The following ADAMTS15 variants were observed in gnomAD, a reference collection of about 807,000 sequenced individuals.
ADAMTS15 encodes the protein ADAM metallopeptidase with thrombospondin type 1 motif 15.
In ADAMTS15, 35 loss-of-function variants were observed where a neutral mutation model predicts 79.1. The observed-to-expected ratio is 0.44, with a 90% CI of 0.34 to 0.59. The LOEUF (loss-of-function observed/expected upper bound fraction) is 0.59, where lower values mean the gene tolerates loss of function less well. ADAMTS15 is among the 20% of genes least tolerant of loss of function. ADAMTS15 has a pLI of 0.02. For synonymous variants in ADAMTS15, 616 were observed against 567.3 expected (o/e 1.09, Z -1.22); for missense variants, 1,324 against 1,318.7 (o/e 1.00, Z -0.06).
Position 130,462,368 on chromosome 11 carries a change from C to T in ADAMTS15, c.1258+114C>T, listed in dbSNP as rs73044871. ...TGTACATTAGGTGTGTGTGCCCCCT[C>T]GGAGCCGGGCTCTGACATGAGTGCA... is the stretch of plus-strand genomic sequence containing the variant. On this transcript the variant is annotated intron_variant, in intron 3 of 7. Coordinates refer to ENST00000299164, the MANE Select transcript of ADAMTS15 (RefSeq NM_139055.4). The surrounding 1 kb of genome is among the most constrained non-coding windows in gnomAD (Gnocchi z 4.3). 163,848 of 1,481,180 alleles carry T rather than the reference C, an allele frequency of 0.11. 9,606 individuals carry two copies. Among genetic ancestry groups the T allele is most frequent in the East Asian group, 0.21 (8,879 of 41,510 alleles). 91.8% of individuals were successfully genotyped at this position (1,481,180 alleles called of 1,614,324 possible). A position where few individuals can be genotyped will look rare whatever the true frequency, so the allele number is the denominator to read the frequency against.
At position 130,470,929 on chromosome 11, in the gene ADAMTS15, A is replaced by G; in HGVS notation, c.1730A>G (p.Lys577Arg). 6.2e-7 allele frequency: 1 copy of G among 1,613,296 alleles called. No homozygotes were observed. Among genetic ancestry groups the G allele is most frequent in the East Asian group, 2.2e-5 (1 of 44,868 alleles). ...LEPCPSSASG[K>R]SFREEQCEAF... ...GCTTCTCCCTCCCTAGCCTCCGGAA[A>G]GAGCTTCCGGGAGGAGCAGTGTGAG... is the stretch of plus-strand genomic sequence containing the variant. Residue 577 changes from lysine to arginine, a missense_variant, in exon 6 of 8, where the codon AAG (lysine) becomes AGG (arginine). Transcript: ENST00000299164.
At position 130,476,209 on chromosome 11, in the gene ADAMTS15, G is replaced by GT. The variant is rs1938582743; in HGVS notation, c.*2389dup. On this transcript the variant is annotated 3_prime_UTR_variant, in exon 8 of 8. Transcript: ENST00000299164. ...CTGGTGATGGAGTAAAGTTACAGCG[G>GT]TATCTCATGTCTACACAAGAAGAGG... 1 of 152,214 alleles carries GT rather than the reference G, an allele frequency of 6.6e-6. No individual in the cohort carries two copies. The highest frequency in any genetic ancestry group is 1.5e-5 in the Non-Finnish European group (1 of 68,072). The allele number at this position is 152,214 out of a possible 1,614,324, so 9.4% of individuals were successfully genotyped here.
chr11:130,471,256 C>A lies in ADAMTS15; in HGVS notation c.1951C>A (p.Gln651Lys). The change falls in exon 7 of 8, where the codon CAA becomes AAA. Residue 651 changes from glutamine to lysine, a missense_variant. Coordinates refer to ENST00000299164, the MANE Select transcript of ADAMTS15 (RefSeq NM_139055.4). The part of the protein sequence containing the change: ...CSPDSTSVCV[Q>K]GKCIKAGCDG... Reference sequence around the variant, plus strand: ...TCCTGACTCCACCTCCGTCTGTGTCCAAGGCAAGTGCATCAAGGCTGGCTG... The same window carrying A: ...TCCTGACTCCACCTCCGTCTGTGTCAAAGGCAAGTGCATCAAGGCTGGCTG... 1 of 1,611,922 alleles carries A rather than the reference C, an allele frequency of 6.2e-7. No individual in the cohort carries two copies. The highest frequency in any genetic ancestry group is 1.1e-5 in the South Asian group (1 of 90,608).
chr11:130,448,902 G>T lies in ADAMTS15; in HGVS notation c.-72G>T, dbSNP rs753805209. 2.8e-5 allele frequency: 35 copies of T among 1,245,416 alleles called. No individual in the cohort carries two copies. Among genetic ancestry groups the T allele is most frequent in the Non-Finnish European group, 3.5e-5 (33 of 941,422 alleles). The allele number at this position is 1,245,416 out of a possible 1,614,324, so 77.1% of individuals were successfully genotyped here. ...GGCGGTTCCAGAGTGCGGGCTGCAC[G>T]GAGACCGCGGCAGCGGCCGGAGAGC... On this transcript the variant is annotated 5_prime_UTR_variant, in exon 1 of 8. Coordinates refer to ENST00000299164, the MANE Select transcript of ADAMTS15 (RefSeq NM_139055.4).
intron 1 of ADAMTS15, among the ~76,000 whole-genome samples, chr11:130,453,883 T>G (rs568444943): frequency 6.6e-6 from 1 of 152,204 alleles, no homozygotes; most frequent in East Asian, 1.9e-4. Context: ...AAAAAGTTGC[T>G]TATAATATTG....
chr11:130,470,207 T>TATAC (rs1204201965), intron 5 of ADAMTS15, among the ~76,000 whole-genome samples: 8 of 60,226 alleles, frequency 1.3e-4, no homozygotes, highest in African/African-American at 2.1e-4. Flanking sequence ...TATATATATA[T>TATAC]ATGTATATAT....
rs957843146 is a variant in ADAMTS15 at position 130,470,277 on chromosome 11, C to T, written c.1721-643C>T. ...TGTTGCCCAGGCTGGAGTGCAGTGG[C>T]GCGATCTCGGCTCACTGCAACCTCA... On this transcript the variant is annotated intron_variant, in intron 5 of 7. Coordinates refer to ENST00000299164, the MANE Select transcript of ADAMTS15 (RefSeq NM_139055.4). 6.8e-5 allele frequency among the ~76,000 whole-genome samples: 10 copies of T among 147,996 alleles called. 1 individual carries two copies. Among genetic ancestry groups the T allele is most frequent in the South Asian group, 4.3e-4 (2 of 4,656 alleles).
intron 1 of ADAMTS15, 111 bp downstream of exon 1, chr11:130,450,041 C>T: frequency 6.6e-7 from 1 of 1,511,190 alleles, no homozygotes; most frequent in Non-Finnish European, 8.8e-7. Context: ...GTTTAAACCT[C>T]GTTGATCTCT....
At chr11:130,466,837 C>A (rs1481389515) in intron 4 of ADAMTS15, among the ~76,000 whole-genome samples, 1 of 152,162 alleles carries the variant, frequency 6.6e-6, no homozygotes, top group Non-Finnish European at 1.5e-5. Context: ...GGCCTGTGCA[C>A]TTTCTCCCTC....
chr11:130,470,869 C>T (rs1399147402), intron 5 of ADAMTS15, 51 bp from the exon 6 acceptor site: 3 of 1,569,574 alleles, frequency 1.9e-6, no homozygotes, highest in East Asian at 2.2e-5. Flanking sequence ...GTCCTTTGCA[C>T]CGGCCTTGTC....
In ADAMTS15 at chr11:130,449,164, T is replaced by G. The variant is rs1172356182; in HGVS notation, c.191T>G (p.Phe64Cys). 6.2e-7 allele frequency: 1 copy of G among 1,609,318 alleles called. No homozygotes were observed. Among genetic ancestry groups the G allele is most frequent in the Non-Finnish European group, 8.5e-7 (1 of 1,176,708 alleles). Reference protein sequence around the residue: ...IFQITAFQEDFYLHLTPDAQF... With the variant: ...IFQITAFQEDCYLHLTPDAQF... ...CAGATCACAGCATTTCAGGAGGACT[T>G]TTACCTACACCTGACGCCGGATGCT... The change falls in exon 1 of 8, where the codon TTT becomes TGT. Residue 64 changes from phenylalanine to cysteine, a missense_variant. By Grantham distance (205) the Phe-to-Cys change is radical (BLOSUM62 -2). Transcript: ENST00000299164. This position sits in a 1 kb window ranked among gnomAD's most constrained non-coding sequence, Gnocchi z 7.8.
At position 130,474,980 on chromosome 11, in the gene ADAMTS15, C is replaced by G. The variant is rs1254213147; in HGVS notation, c.*1159C>G. 6.6e-6 allele frequency: 1 copy of G among 152,432 alleles called. No individual in the cohort carries two copies. Among genetic ancestry groups the G allele is most frequent in the Non-Finnish European group, 1.5e-5 (1 of 68,196 alleles). The allele number at this position is 152,432 out of a possible 1,614,324, so 9.4% of individuals were successfully genotyped here. A position where few individuals can be genotyped will look rare whatever the true frequency, so the allele number is the denominator to read the frequency against. On this transcript the variant is annotated 3_prime_UTR_variant, in exon 8 of 8. Transcript: ENST00000299164. ...TGCCCTGGGCACGTCACGTTGCATCCTAGGCCTTAGCTTCTCCACTGTTTG... is the reference window on the plus strand; with the variant it reads ...TGCCCTGGGCACGTCACGTTGCATCGTAGGCCTTAGCTTCTCCACTGTTTG...
intron 1 of ADAMTS15, among the ~76,000 whole-genome samples, chr11:130,458,459 G>T (rs780480720): frequency 6.6e-6 from 1 of 152,210 alleles, no homozygotes; most frequent in Non-Finnish European, 1.5e-5. Context: ...TCAACTACAT[G>T]ACTTGGGTCA....
At chr11:130,467,169 A>G (rs1050158148) in intron 4 of ADAMTS15, among the ~76,000 whole-genome samples, 3 of 152,196 alleles carry the variant, frequency 2.0e-5, no homozygotes, top group Non-Finnish European at 4.4e-5. Context: ...GCATTGTCTC[A>G]GCAGCTGCAG....
At position 130,466,796 on chromosome 11, in the gene ADAMTS15, A is replaced by G. The variant is rs552961389; in HGVS notation, c.1543-2466A>G. Among the ~76,000 whole-genome samples the G allele has an allele frequency of 5.3e-5, 8 of 152,174 alleles. No individual in the cohort carries two copies. In the East Asian group the frequency reaches 1.2e-3, roughly 22 times the overall value. On this transcript the variant is annotated intron_variant, in intron 4 of 7. Transcript: ENST00000299164. ...TCGCTGCCTTGTTGGCCCTAGTGAC[A>G]CTGGCTTACTTCAGGCTCATCTCCT...
At chr11:130,457,217 C>T (rs1479953681) in intron 1 of ADAMTS15, among the ~76,000 whole-genome samples, 1 of 146,410 alleles carries the variant, frequency 6.8e-6, no homozygotes, top group Non-Finnish European at 1.5e-5. Context: ...GGCAACAGAG[C>T]GAGACTCAGT....
chr11:130,467,893 A>G (rs752671929), intron 4 of ADAMTS15, among the ~76,000 whole-genome samples: 1 of 152,194 alleles, frequency 6.6e-6, no homozygotes, highest in African/African-American at 2.4e-5. Flanking sequence ...AAGAAACTTC[A>G]GAATGGTTCA....
In ADAMTS15 at chr11:130,462,480, C is replaced by T; in HGVS notation, c.1259-17C>T. 6.4e-7 allele frequency: 1 copy of T among 1,570,550 alleles called. No individual in the cohort carries two copies. The highest frequency in any genetic ancestry group is 8.7e-7 in the Non-Finnish European group (1 of 1,153,522). ...TCTTCCCAGCTCATCCTAACGAACG[C>T]CCTCGGCTCTCTGCAGGTGACTGCC... On this transcript the variant is annotated splice_polypyrimidine_tract_variant and intron_variant, in intron 3 of 7. Transcript: ENST00000299164. This position sits in a 1 kb window ranked among gnomAD's most constrained non-coding sequence, Gnocchi z 4.3.
intron 4 of ADAMTS15, among the ~76,000 whole-genome samples, chr11:130,463,880 A>G (rs1938252320): frequency 6.6e-6 from 1 of 152,222 alleles, no homozygotes; most frequent in South Asian, 2.1e-4. Flanking sequence ...GCGGAAGGAC[A>G]GAAGGATGAA....
Sources: gnomAD v4.1 joint callset for allele counts (sites outside exome capture counted in the v4.1 genomes callset) on GRCh38, gnomAD v4.1.1 for gene constraint, Gnocchi (gnomAD v3.1) non-coding constraint, MANE v1.5 for transcripts, NCBI Gene and HGNC (gene_info 2026-07-23, HGNC 2026-07-21) for gene names.